COL4A5: variants seen among roughly 807,000 people sequenced by gnomAD.
COL4A5 encodes the protein collagen type IV alpha 5 chain.
In COL4A5, 26 loss-of-function variants were observed where a neutral mutation model predicts 130.2. The ratio of observed to expected loss-of-function variants is 0.20; its 90% CI spans 0.15 to 0.28. The LOEUF is 0.28. Ranked by LOEUF, COL4A5 falls within the 10% of genes least tolerant of loss-of-function variation. The pLI, the probability that COL4A5 is intolerant of heterozygous loss-of-function variation, is 1.00. For synonymous variants in COL4A5, 496 were observed against 439.6 expected, an observed-to-expected ratio of 1.13 and a Z score of -1.60; for missense variants, 1,131 against 1,344.3, an observed-to-expected ratio of 0.84 and a Z score of 2.48.
chrX:108,455,432 A>T (rs959965462), intron 1 of COL4A5, among the ~76,000 whole-genome samples: 38 of 112,280 alleles, frequency 3.4e-4, no homozygotes, highest in African/African-American at 1.2e-3. Context: ...AAAGTGATAC[A>T]CAGTGATCTT....
At chrX:108,499,719 A>T (rs1359520277) in intron 1 of COL4A5, among the ~76,000 whole-genome samples, 3 of 111,680 alleles carry the variant, frequency 2.7e-5, no homozygotes, top group African/African-American at 9.8e-5. Context: ...CATAATACTC[A>T]TTTGAATAAA....
At chrX:108,513,352 A>G (rs771374265) in intron 1 of COL4A5, among the ~76,000 whole-genome samples, 1 of 111,753 alleles carries the variant, frequency 8.9e-6, no homozygotes, top group African/African-American at 3.2e-5. Context: ...TTATATTCCC[A>G]TCAATCAAGT....
intron 6 of COL4A5, 117 bp downstream of exon 6, chrX:108,568,938 A>G (rs2066016984): frequency 1.2e-5 from 7 of 607,690 alleles, no homozygotes; most frequent in African/African-American, 2.2e-5. Flanking sequence ...GGTCTTGGCT[A>G]TTACATAAAG....
At chrX:108,599,827 A>T (rs1217820205) in intron 25 of COL4A5, among the ~76,000 whole-genome samples, 1 of 112,126 alleles carries the variant, frequency 8.9e-6, no homozygotes, top group East Asian at 2.8e-4. Context: ...TAAAGTATTT[A>T]CTCTGGTCCT....
intron 1 of COL4A5, among the ~76,000 whole-genome samples, chrX:108,452,682 T>C (rs1222243549): frequency 8.9e-6 from 1 of 112,237 alleles, no homozygotes; most frequent in Admixed American, 9.4e-5. Context: ...TTTTGTATCC[T>C]GAGACTTTGC....
chrX:108,566,936 A>C (rs902476270), intron 4 of COL4A5, among the ~76,000 whole-genome samples: 3 of 111,985 alleles, frequency 2.7e-5, no homozygotes, highest in African/African-American at 9.7e-5. Flanking sequence ...TTTAAAATTA[A>C]GAAAGGTTTT....
At chrX:108,459,756 A>T (rs943596844) in intron 1 of COL4A5, among the ~76,000 whole-genome samples, 1 of 112,186 alleles carries the variant, frequency 8.9e-6, no homozygotes, top group Non-Finnish European at 1.9e-5. Context: ...CTTTATGATT[A>T]ATTTTCTCAT....
At chrX:108,471,255 A>G (rs2147508153) in intron 1 of COL4A5, among the ~76,000 whole-genome samples, 1 of 112,101 alleles carries the variant, frequency 8.9e-6, no homozygotes, top group African/African-American at 3.2e-5. Context: ...CATTTTAACG[A>G]TATTGATTCT....
intron 1 of COL4A5, among the ~76,000 whole-genome samples, chrX:108,506,560 T>C (rs907666644): frequency 9.0e-6 from 1 of 111,205 alleles, no homozygotes; most frequent in African/African-American, 3.3e-5. Flanking sequence ...GCAACTTAGA[T>C]TCCTCCCATG....
chrX:108,479,630 G>A (rs1047896636), intron 1 of COL4A5, among the ~76,000 whole-genome samples: 1 of 111,647 alleles, frequency 9.0e-6, no homozygotes, highest in Non-Finnish European at 1.9e-5. Flanking sequence ...AGGGTGGCAG[G>A]AGTGAAGACC....
intron 2 of COL4A5, 101 bp downstream of exon 2, chrX:108,539,906 G>C: frequency 1.5e-6 from 1 of 656,162 alleles, no homozygotes; most frequent in Non-Finnish European, 2.5e-6. Flanking sequence ...CAGTACTTAA[G>C]TAAGTGAAAT....
chrX:108,528,223 A>G (rs1295025347), intron 1 of COL4A5, among the ~76,000 whole-genome samples: 1 of 112,199 alleles, frequency 8.9e-6, no homozygotes, highest in East Asian at 2.8e-4. Flanking sequence ...GCCTTCACTA[A>G]TAACCATACC....
At chrX:108,649,212 T>C (rs1460623959) in intron 36 of COL4A5, among the ~76,000 whole-genome samples, 1 of 111,266 alleles carries the variant, frequency 9.0e-6, no homozygotes, top group Non-Finnish European at 1.9e-5. Flanking sequence ...ACGAAAGACC[T>C]CTCTACAAGG....
intron 2 of COL4A5, among the ~76,000 whole-genome samples, 166 bp downstream of exon 2, chrX:108,539,971 A>G (rs763525433): frequency 8.9e-6 from 1 of 112,288 alleles, no homozygotes; most frequent in East Asian, 2.8e-4. Flanking sequence ...ATTATATCTT[A>G]AGGTCAGCAA....
chrX:108,613,441 G>T (rs1603295250), intron 29 of COL4A5, among the ~76,000 whole-genome samples: 2 of 111,752 alleles, frequency 1.8e-5, no homozygotes, highest in Middle Eastern at 9.3e-3. Flanking sequence ...AAACTTGTTA[G>T]AATACCAAAA....
chrX:108,639,579 TAATA>T (rs759264122), intron 36 of COL4A5, among the ~76,000 whole-genome samples: 2 of 111,577 alleles, frequency 1.8e-5, no homozygotes, highest in East Asian at 5.6e-4. Flanking sequence ...AGAACACTAC[TAATA>T]GAGTGAAAAG....
Position 108,682,670 on chromosome X carries a change from G to T in COL4A5, c.4216+782G>T, listed in dbSNP as rs186212590. Among the ~76,000 whole-genome samples the T allele has an allele frequency of 6.9e-4, 77 of 111,992 alleles. No homozygotes were observed. In the East Asian group the frequency reaches 0.012, roughly 18 times the overall value. On this transcript the variant is annotated intron_variant, in intron 47 of 52. Transcript: ENST00000328300. ...GATGATGAGCTTTTTTCATATGTTT[G>T]TTGGCCTCATAAATGTCTTTTTTTG...
chrX:108,587,292 A>ACCATCATTCTACTCTCCACCT (rs59744968), intron 19 of COL4A5, among the ~76,000 whole-genome samples: 10,555 of 109,610 alleles, frequency 0.096, 1,262 homozygotes, highest in African/African-American at 0.32. Context: ...GCCCCTGGTA[A>ACCATCATTCTACTCTCCACCT]CCATCATTCT....
chrX:108,471,533 C>T (rs1217893595), intron 1 of COL4A5, among the ~76,000 whole-genome samples: 1 of 111,411 alleles, frequency 9.0e-6, no homozygotes, highest in Non-Finnish European at 1.9e-5. Context: ...GCTCTAGGAG[C>T]CTTTTGGTGG....
Sources: allele counts gnomAD v4.1 joint callset (sites outside exome capture counted in the v4.1 genomes callset), GRCh38; gene constraint gnomAD v4.1.1; transcripts MANE v1.5; gene names NCBI Gene and HGNC (gene_info 2026-07-23, HGNC 2026-07-21).